ARHGAP44: variants seen among roughly 807,000 people sequenced by gnomAD.
The protein encoded by ARHGAP44 is rho GTPase-activating protein 44.
A neutral mutation model predicts 106.8 loss-of-function variants in ARHGAP44; 43 were observed. The ratio of observed to expected loss-of-function variants is 0.40; its 90% CI spans 0.32 to 0.52. ARHGAP44 has a LOEUF of 0.52. ARHGAP44 is among the 20% of genes least tolerant of loss of function. The pLI, the probability that ARHGAP44 is intolerant of heterozygous loss-of-function variation, is 0.48. For synonymous variants in ARHGAP44, 439 were observed against 410.3 expected, an observed-to-expected ratio of 1.07 and a Z score of -0.85; for missense variants, 866 against 1,050.5, an observed-to-expected ratio of 0.82 and a Z score of 2.43.
At chr17:12,960,257 T>C (rs1485334075) in intron 16 of ARHGAP44, among the ~76,000 whole-genome samples, 1 of 152,114 alleles carries the variant, frequency 6.6e-6, no homozygotes, top group Non-Finnish European at 1.5e-5. Flanking sequence ...ATGTCTTTCT[T>C]TTTTGTTTTG....
At chr17:12,837,158 ATAAT>A (rs1403964546) in intron 1 of ARHGAP44, among the ~76,000 whole-genome samples, 2 of 152,350 alleles carry the variant, frequency 1.3e-5, no homozygotes, top group African/African-American at 4.8e-5. Context: ...ATATAAGTAA[ATAAT>A]CCATAGGTCA....
intron 4 of ARHGAP44, among the ~76,000 whole-genome samples, chr17:12,914,124 A>G (rs2037830752): frequency 6.6e-6 from 1 of 152,204 alleles, no homozygotes; most frequent in African/African-American, 2.4e-5. Flanking sequence ...AAATAAATAG[A>G]TCCTAATACA....
chr17:12,800,721 A>T (rs555044362), intron 1 of ARHGAP44, among the ~76,000 whole-genome samples: 52 of 152,300 alleles, frequency 3.4e-4, no homozygotes, highest in African/African-American at 1.2e-3. Flanking sequence ...GTCTCTGTGA[A>T]TGGGGCTATT....
chr17:12,808,932 T>C (rs1330830579), intron 1 of ARHGAP44, among the ~76,000 whole-genome samples: 2 of 152,234 alleles, frequency 1.3e-5, no homozygotes, highest in East Asian at 3.8e-4. Flanking sequence ...TACATAAAAC[T>C]GAATGCTTTT....
Position 12,906,770 on chromosome 17 carries a change from A to G in ARHGAP44, c.199-2127A>G, listed in dbSNP as rs189426202. Among the ~76,000 whole-genome samples the G allele has an allele frequency of 1.1e-4, 16 of 152,184 alleles. No individual in the cohort carries two copies. The East Asian group carries it at 3.1e-3, about 30-fold the overall frequency. On this transcript the variant is annotated intron_variant, in intron 3 of 20. Coordinates refer to ENST00000379672, the MANE Select transcript of ARHGAP44 (RefSeq NM_014859.6). The stretch of plus-strand genomic sequence containing the variant: ...GGAAACATAGTGAGACACCATCTCT[A>G]CAAAAAATTTAGAAATAAAATTAGC...
chr17:12,880,811 T>C (rs2036714978), intron 1 of ARHGAP44, among the ~76,000 whole-genome samples: 2 of 152,166 alleles, frequency 1.3e-5, no homozygotes, highest in South Asian at 2.1e-4. Flanking sequence ...TTGTCAGATA[T>C]ACAAAATAAT....
chr17:12,815,014 T>G (rs1412575914), intron 1 of ARHGAP44, among the ~76,000 whole-genome samples: 3 of 152,158 alleles, frequency 2.0e-5, no homozygotes, highest in Non-Finnish European at 2.9e-5. Flanking sequence ...CCCAGGGCAT[T>G]AGAAACCCTG....
chr17:12,893,052 A>T, intron 1 of ARHGAP44, among the ~76,000 whole-genome samples: 1 of 149,510 alleles, frequency 6.7e-6, no homozygotes, highest in African/African-American at 2.5e-5. Flanking sequence ...ATATTATGTG[A>T]CTCTGGATCT....
intron 1 of ARHGAP44, among the ~76,000 whole-genome samples, chr17:12,822,787 C>G (rs2034809252): frequency 6.6e-6 from 1 of 152,146 alleles, no homozygotes; most frequent in African/African-American, 2.4e-5. Context: ...ACATGTCTGA[C>G]TCTGAGGCTG....
At chr17:12,909,172 G>A (rs571524934) in intron 4 of ARHGAP44, among the ~76,000 whole-genome samples, 199 bp downstream of exon 4, 8 of 152,158 alleles carry the variant, frequency 5.3e-5, no homozygotes, top group Non-Finnish European at 2.9e-5. Context: ...GGCCCAAGTG[G>A]AGAGATTAAC....
At chr17:12,899,131 C>A (rs1334556344) in intron 3 of ARHGAP44, among the ~76,000 whole-genome samples, 1 of 152,066 alleles carries the variant, frequency 6.6e-6, no homozygotes, top group Non-Finnish European at 1.5e-5. Flanking sequence ...CCACCATGCC[C>A]AGCTAATTTT....
At chr17:12,863,791 CA>C (rs1431953923) in intron 1 of ARHGAP44, among the ~76,000 whole-genome samples, 2 of 152,166 alleles carry the variant, frequency 1.3e-5, no homozygotes, top group African/African-American at 4.8e-5. Context: ...CTTAAAATAA[CA>C]ATATTTGTTT....
chr17:12,911,646 G>A (rs983867963), intron 4 of ARHGAP44, among the ~76,000 whole-genome samples: 3 of 152,172 alleles, frequency 2.0e-5, no homozygotes, highest in African/African-American at 4.8e-5. Flanking sequence ...CCAACCACAT[G>A]TCTAGGAACC....
At chr17:12,890,174 G>A (rs1273487728) in intron 1 of ARHGAP44, among the ~76,000 whole-genome samples, 1 of 152,108 alleles carries the variant, frequency 6.6e-6, no homozygotes, top group African/African-American at 2.4e-5. Flanking sequence ...TGTCCCCACA[G>A]TTCTGCTGGG....
intron 1 of ARHGAP44, among the ~76,000 whole-genome samples, chr17:12,855,581 T>C (rs114956619): frequency 0.017 from 2,631 of 152,128 alleles, 77 homozygotes; most frequent in African/African-American, 0.061. Context: ...GGGTGGGTGG[T>C]CAGAGTAATG....
chr17:12,836,250 T>A (rs2035234326), intron 1 of ARHGAP44, among the ~76,000 whole-genome samples: 2 of 152,078 alleles, frequency 1.3e-5, no homozygotes, highest in South Asian at 2.1e-4. Context: ...CAATCTTTTT[T>A]AAAAAAAGAG....
At position 12,950,055 on chromosome 17, in the gene ARHGAP44, A is replaced by G. The variant is rs1028593122; in HGVS notation, c.1055+325A>G. Among the ~76,000 whole-genome samples the G allele has an allele frequency of 3.9e-5, 6 of 152,356 alleles. No homozygotes were observed. In the East Asian group the frequency reaches 5.8e-4, roughly 15 times the overall value. ...GAGTTATTCATGCTAACATAAATAG[A>G]TAATGAAAGGAAGTTAACAAGGACT... On this transcript the variant is annotated intron_variant, in intron 12 of 20. Transcript: ENST00000379672.
chr17:12,824,021 C>T (rs55769282), intron 1 of ARHGAP44, among the ~76,000 whole-genome samples: 7,274 of 152,100 alleles, frequency 0.048, 213 homozygotes, highest in African/African-American at 0.087. Context: ...CCTTTGTCTT[C>T]CCCTTGGCTT....
In ARHGAP44 at chr17:12,789,589, C is replaced by A; in HGVS notation, c.-250C>A. On this transcript the variant is annotated 5_prime_UTR_variant, in exon 1 of 21. Coordinates refer to ENST00000379672, the MANE Select transcript of ARHGAP44 (RefSeq NM_014859.6). Reference sequence around the variant, plus strand: ...AGCGGGCCGGTGCCGAGGACGGCCCCAGGCATTGCTCTGCCCCGGGCATTG... The same window carrying A: ...AGCGGGCCGGTGCCGAGGACGGCCCAAGGCATTGCTCTGCCCCGGGCATTG... 1 of 277,732 alleles carries A rather than the reference C, an allele frequency of 3.6e-6. No individual in the cohort carries two copies. Among genetic ancestry groups the A allele is most frequent in the Non-Finnish European group, 6.7e-6 (1 of 149,046 alleles). 17.2% of individuals were successfully genotyped at this position (277,732 alleles called of 1,614,324 possible).
Sources: allele counts gnomAD v4.1 joint callset (sites outside exome capture counted in the v4.1 genomes callset), GRCh38; gene constraint gnomAD v4.1.1; transcripts MANE v1.5; gene names NCBI Gene and HGNC (gene_info 2026-07-23, HGNC 2026-07-21).